Variants in DPYD observed in about 807,000 individuals in gnomAD.
DPYD encodes the protein dihydropyrimidine dehydrogenase [NADP(+)].
DPYD carries 109 observed loss-of-function variants against 116.2 expected under a neutral mutation model. The observed-to-expected ratio is 0.94, with a 90% CI of 0.80 to 1.10. DPYD has a LOEUF of 1.10. Ranked by LOEUF, DPYD falls within the 50% of genes least tolerant of loss-of-function variation. DPYD has a pLI of 0.00. For missense variants in DPYD, 1,302 were observed against 1,254.5 expected (o/e 1.04, Z -0.57); for synonymous variants, 440 against 432.0 (o/e 1.02, Z -0.23).
At chr1:97,080,336 C>T (rs1408761373) in intron 22 of DPYD, among the ~76,000 whole-genome samples, 2 of 151,620 alleles carry the variant, frequency 1.3e-5, no homozygotes, top group African/African-American at 4.8e-5. Context: ...TGTCTCATAC[C>T]AATGTTATAA....
At chr1:97,570,754 T>C in intron 11 of DPYD, among the ~76,000 whole-genome samples, 1 of 151,824 alleles carries the variant, frequency 6.6e-6, no homozygotes, top group Non-Finnish European at 1.5e-5. Context: ...TCTCTTAATG[T>C]ACACATTCCT....
At chr1:97,490,718 G>A (rs1678926725) in intron 13 of DPYD, among the ~76,000 whole-genome samples, 2 of 151,028 alleles carry the variant, frequency 1.3e-5, no homozygotes, top group African/African-American at 4.8e-5. Flanking sequence ...CAAGTCTACT[G>A]CCAACAACTG....
chr1:97,207,069 T>C (rs1570670321), intron 19 of DPYD, among the ~76,000 whole-genome samples: 2 of 152,078 alleles, frequency 1.3e-5, no homozygotes, highest in Admixed American at 6.6e-5. Context: ...GTTACCATTG[T>C]ACACCCAGTA....
At chr1:97,667,563 C>G (rs561049312) in intron 8 of DPYD, among the ~76,000 whole-genome samples, 1 of 152,060 alleles carries the variant, frequency 6.6e-6, no homozygotes, top group Non-Finnish European at 1.5e-5. Context: ...CAAAAACAAA[C>G]TAGCAAATGT....
chr1:97,831,832 C>T (rs571717642), intron 2 of DPYD, among the ~76,000 whole-genome samples: 43 of 151,774 alleles, frequency 2.8e-4, no homozygotes, highest in African/African-American at 7.7e-4. Flanking sequence ...TGGAACAAAA[C>T]GCAGGCCTGC....
chr1:97,696,191 G>A (rs747713248), intron 6 of DPYD, among the ~76,000 whole-genome samples: 62 of 151,888 alleles, frequency 4.1e-4, no homozygotes, highest in Non-Finnish European at 8.0e-4. Context: ...AGAGGTAAAG[G>A]ATATCAGAGG....
intron 10 of DPYD, among the ~76,000 whole-genome samples, chr1:97,581,690 G>A (rs754272684): frequency 2.6e-4 from 38 of 145,424 alleles, no homozygotes; most frequent in Middle Eastern, 3.7e-3. Flanking sequence ...AGATTGCAAT[G>A]AGCTGTGATC....
chr1:97,822,425 A>G (rs1230532498), intron 3 of DPYD, among the ~76,000 whole-genome samples: 5 of 148,540 alleles, frequency 3.4e-5, no homozygotes, highest in Admixed American at 1.4e-4. Flanking sequence ...ATATACATTT[A>G]TATATATTTA....
chr1:97,553,457 G>T (rs1230916598), intron 11 of DPYD, among the ~76,000 whole-genome samples: 1 of 151,900 alleles, frequency 6.6e-6, no homozygotes, highest in Non-Finnish European at 1.5e-5. Flanking sequence ...ACTCCTCAGA[G>T]CTCTTTTACA....
chr1:97,896,810 G>GT (rs1467042376), intron 1 of DPYD, among the ~76,000 whole-genome samples: 2 of 151,736 alleles, frequency 1.3e-5, no homozygotes, highest in African/African-American at 2.4e-5. Flanking sequence ...ACAATATGTT[G>GT]TTTTTTTGTA....
At chr1:97,215,381 T>C (rs1404292055) in intron 19 of DPYD, among the ~76,000 whole-genome samples, 1 of 152,202 alleles carries the variant, frequency 6.6e-6, no homozygotes, top group Non-Finnish European at 1.5e-5. Context: ...CTGAGACTGA[T>C]ATCACTACCT....
At chr1:97,197,727 T>C (rs1658912487) in intron 19 of DPYD, among the ~76,000 whole-genome samples, 1 of 152,188 alleles carries the variant, frequency 6.6e-6, no homozygotes, top group Non-Finnish European at 1.5e-5. Flanking sequence ...ACTTCCTCTT[T>C]CCCACCCACT....
At chr1:97,659,959 A>C (rs886884427) in intron 8 of DPYD, among the ~76,000 whole-genome samples, 2 of 152,094 alleles carry the variant, frequency 1.3e-5, no homozygotes, top group African/African-American at 4.8e-5. Context: ...TCAACTTTCA[A>C]CTCAGAAAAT....
At chr1:97,297,910 C>T (rs1273836364) in intron 18 of DPYD, among the ~76,000 whole-genome samples, 1 of 152,142 alleles carries the variant, frequency 6.6e-6, no homozygotes, top group Non-Finnish European at 1.5e-5. Flanking sequence ...TCTTCAATGG[C>T]ACTCATAATA....
At chr1:97,339,255 T>A (rs1212957514) in intron 16 of DPYD, among the ~76,000 whole-genome samples, 1 of 152,086 alleles carries the variant, frequency 6.6e-6, no homozygotes, top group Non-Finnish European at 1.5e-5. Flanking sequence ...GAAGTCATAA[T>A]CATGGAAATA....
chr1:97,102,146 T>G (rs1472746104), intron 20 of DPYD, among the ~76,000 whole-genome samples: 2 of 151,794 alleles, frequency 1.3e-5, no homozygotes, highest in East Asian at 3.9e-4. Context: ...AGAAAAGCGT[T>G]CTTGTTTGTA....
intron 8 of DPYD, among the ~76,000 whole-genome samples, chr1:97,674,637 A>G (rs1660043595): frequency 6.6e-6 from 1 of 152,016 alleles, no homozygotes; most frequent in Admixed American, 6.6e-5. Flanking sequence ...TGGCTCTAGA[A>G]TAAAATTACC....
chr1:97,159,459 A>G (rs1168455674), intron 20 of DPYD, among the ~76,000 whole-genome samples: 2 of 152,022 alleles, frequency 1.3e-5, no homozygotes, highest in African/African-American at 4.8e-5. Flanking sequence ...TCTAATATAT[A>G]TTCATTTGGA....
At chr1:97,884,712 A>C (rs1163519020) in intron 1 of DPYD, among the ~76,000 whole-genome samples, 3 of 152,034 alleles carry the variant, frequency 2.0e-5, no homozygotes, top group South Asian at 2.1e-4. Context: ...ATTTCAGTCT[A>C]AACAGTAACT....
Sources: allele counts gnomAD v4.1 joint callset (sites outside exome capture counted in the v4.1 genomes callset), GRCh38; gene constraint gnomAD v4.1.1; transcripts MANE v1.5; gene names NCBI Gene and HGNC (gene_info 2026-07-23, HGNC 2026-07-21).